LACTB2: variants seen among roughly 807,000 people sequenced by gnomAD.
LACTB2 encodes lactamase beta 2.
Under a neutral mutation model 34.8 loss-of-function variants are expected in LACTB2, and 32 were observed. That is an observed-to-expected ratio of 0.92 (90% CI 0.69 to 1.24). The LOEUF (loss-of-function observed/expected upper bound fraction) is 1.24. LACTB2 is among the 50% of genes most tolerant of loss of function. The pLI, the probability that LACTB2 is intolerant of heterozygous loss-of-function variation, is 0.00. For missense variants in LACTB2, 320 were observed against 345.0 expected, an observed-to-expected ratio of 0.93 and a Z score of 0.57; for synonymous variants, 120 against 117.5, an observed-to-expected ratio of 1.02 and a Z score of -0.14.
At chr8:70,659,475 A>G (rs1586789221) in intron 2 of LACTB2, among the ~76,000 whole-genome samples, 1 of 152,348 alleles carries the variant, frequency 6.6e-6, no homozygotes, top group South Asian at 2.1e-4. Context: ...CACTGAAATA[A>G]AAAGAAACAA....
chr8:70,668,313 A>G (rs2132084039), intron 1 of LACTB2, among the ~76,000 whole-genome samples: 1 of 152,378 alleles, frequency 6.6e-6, no homozygotes, highest in East Asian at 1.9e-4. Context: ...CTTACTATGC[A>G]GTAAACCAAA....
chr8:70,664,437 T>TG (rs1818515498), intron 1 of LACTB2, among the ~76,000 whole-genome samples: 1 of 152,352 alleles, frequency 6.6e-6, no homozygotes, highest in Admixed American at 6.5e-5. Flanking sequence ...AGAATGCCTG[T>TG]GCTGGTTGTT....
intron 3 of LACTB2, among the ~76,000 whole-genome samples, chr8:70,654,228 T>C (rs1818381277): frequency 6.6e-6 from 1 of 151,874 alleles, no homozygotes; most frequent in African/African-American, 2.4e-5. Flanking sequence ...TAGATAAGAA[T>C]TTACCAGGGA....
chr8:70,657,064 A>G lies in LACTB2; in HGVS notation c.413+692T>C, dbSNP rs16937181. Among the ~76,000 whole-genome samples, 1,474 of 152,226 alleles carry G rather than the reference A, an allele frequency of 9.7e-3. 22 individuals are homozygous for G. The highest frequency in any genetic ancestry group is 0.034 in the African/African-American group (1,404 of 41,530). ...CAGTTTTACAATAACTGAGTTTGAAATACCATTTTGAAACCCTCAGATAGG... is the reference window on the plus strand; with the variant it reads ...CAGTTTTACAATAACTGAGTTTGAAGTACCATTTTGAAACCCTCAGATAGG... On this transcript the variant is annotated intron_variant, in intron 3 of 6. Transcript: ENST00000276590.
At chr8:70,647,006 G>T (rs1190731785) in intron 3 of LACTB2, among the ~76,000 whole-genome samples, 1 of 152,060 alleles carries the variant, frequency 6.6e-6, no homozygotes, top group Non-Finnish European at 1.5e-5. Flanking sequence ...TGCTTTCCAT[G>T]TACCAGGCAG....
intron 2 of LACTB2, among the ~76,000 whole-genome samples, chr8:70,658,958 C>T (rs62531753): frequency 0.062 from 9,396 of 151,232 alleles, 423 homozygotes; most frequent in Non-Finnish European, 0.09. Flanking sequence ...GCCCAGGAGG[C>T]GGAGGTTGCA....
chr8:70,654,223 A>G (rs1234660969), intron 3 of LACTB2, among the ~76,000 whole-genome samples: 1 of 152,156 alleles, frequency 6.6e-6, no homozygotes, highest in East Asian at 1.9e-4. Flanking sequence ...ATAAATAGAT[A>G]AGAATTTACC....
chr8:70,638,777 T>C (rs1818156833), intron 5 of LACTB2, 148 bp from the exon 6 acceptor site: 2 of 634,500 alleles, frequency 3.2e-6, no homozygotes, highest in South Asian at 2.7e-5. Context: ...AGTCTCACTC[T>C]GTCGCCAGGC....
chr8:70,663,041 C>CA (rs1818499156), intron 1 of LACTB2: 1 of 152,160 alleles, frequency 6.6e-6, no homozygotes, highest in South Asian at 2.1e-4. Context: ...AGTAACACCT[C>CA]AATAATTCAG....
At chr8:70,647,256 A>ATT (rs199728297) in intron 3 of LACTB2, among the ~76,000 whole-genome samples, 1 of 145,226 alleles carries the variant, frequency 6.9e-6, no homozygotes, top group African/African-American at 2.5e-5. Context: ...TATATATATA[A>ATT]TTTTTTTTTT....
intron 3 of LACTB2, 126 bp from the exon 4 acceptor site, chr8:70,644,369 T>C (rs993844212): frequency 4.9e-6 from 3 of 611,292 alleles, no homozygotes; most frequent in African/African-American, 3.8e-5. Context: ...AAAAAGCTGC[T>C]TTTTCTTTTC....
At chr8:70,650,094 C>T (rs1818319449) in intron 3 of LACTB2, among the ~76,000 whole-genome samples, 1 of 152,130 alleles carries the variant, frequency 6.6e-6, no homozygotes, top group Admixed American at 6.5e-5. Flanking sequence ...GGGATCCTCC[C>T]ACCTTCATCT....
intron 3 of LACTB2, among the ~76,000 whole-genome samples, chr8:70,650,867 G>C (rs994886067): frequency 4.7e-5 from 7 of 149,090 alleles, no homozygotes; most frequent in African/African-American, 1.7e-4. Context: ...TTAACAAAGA[G>C]AATCCAAAAG....
intron 3 of LACTB2, among the ~76,000 whole-genome samples, chr8:70,649,837 A>G (rs890781815): frequency 6.6e-6 from 1 of 152,308 alleles, no homozygotes; most frequent in African/African-American, 2.4e-5. Context: ...GTACAACAAA[A>G]CTGTACCATT....
In LACTB2 at chr8:70,640,925, C is replaced by G; in HGVS notation, c.718G>C (p.Glu240Gln). ...ENFEKSFTVM[E>Q]LVKIIYKNTP... is the part of the protein sequence containing the mutation. Reference sequence around the variant, plus strand: ...ACCTTGTAAATAATTTTTACAAGCTCCATTACTGTAAATGATTTCTCAAAG... The same window carrying G: ...ACCTTGTAAATAATTTTTACAAGCTGCATTACTGTAAATGATTTCTCAAAG... The change falls in exon 5 of 7, where the codon GAG becomes CAG. Residue 240 changes from glutamate (E) to glutamine (Q), a missense_variant. Coordinates refer to ENST00000276590, the MANE Select transcript of LACTB2 (RefSeq NM_016027.3). The G allele has an allele frequency of 6.2e-7, 1 of 1,601,156 alleles. No individual in the cohort carries two copies. The highest frequency in any genetic ancestry group is 1.1e-5 in the South Asian group (1 of 87,544).
intron 6 of LACTB2, among the ~76,000 whole-genome samples, 171 bp from the exon 7 acceptor site, chr8:70,638,074 A>G (rs530973118): frequency 6.6e-5 from 10 of 152,244 alleles, no homozygotes; most frequent in Non-Finnish European, 1.2e-4. Context: ...CTTCTACATC[A>G]AATTCAAGCT....
Position 70,661,781 on chromosome 8 carries a change from C to A in LACTB2, c.239G>T (p.Arg80Leu), listed in dbSNP as rs183301170. The change falls in exon 2 of 7, where the codon CGA (arginine) becomes CTA (leucine). Residue 80 changes from arginine (R) to leucine (L), a missense_variant. Transcript: ENST00000276590. ...IQEIVVTHWH[R>L]DHSGGIGDIC... is the part of the protein sequence containing the mutation. ...ATCTCCTATGCCTCCAGAATGATCT[C>A]GGTGCCAGTGAGTCACTACAATTTC... 10 of 1,613,410 alleles carry A rather than the reference C, an allele frequency of 6.2e-6. No individual in the cohort carries two copies. Among genetic ancestry groups the A allele is most frequent in the African/African-American group, 4.0e-5 (3 of 74,870 alleles).
intron 3 of LACTB2, among the ~76,000 whole-genome samples, chr8:70,644,743 G>A (rs1431757038): frequency 1.3e-5 from 2 of 152,124 alleles, no homozygotes; most frequent in Non-Finnish European, 1.5e-5. Context: ...GCCTCCCAAA[G>A]TGCTGGGATT....
At chr8:70,667,324 G>C (rs1316244810) in intron 1 of LACTB2, among the ~76,000 whole-genome samples, 1 of 152,204 alleles carries the variant, frequency 6.6e-6, no homozygotes, top group African/African-American at 2.4e-5. Flanking sequence ...TTGTGAAGCG[G>C]AACAGGTGGA....
Sources: allele counts gnomAD v4.1 joint callset (sites outside exome capture counted in the v4.1 genomes callset), GRCh38; gene constraint gnomAD v4.1.1; transcripts MANE v1.5; gene names NCBI Gene and HGNC (gene_info 2026-07-23, HGNC 2026-07-21).